INSYN2B: variants seen among roughly 807,000 people sequenced by gnomAD.
INSYN2B encodes inhibitory synaptic factor family member 2B.
In INSYN2B, 16 loss-of-function variants were observed where a neutral mutation model predicts 41.2. The observed-to-expected ratio is 0.39, with a 90% CI of 0.26 to 0.59. INSYN2B has a LOEUF of 0.59. Among genes scored for constraint, INSYN2B ranks in the 20% least tolerant of loss-of-function variants. INSYN2B has a pLI of 0.57. For synonymous variants in INSYN2B, 245 were observed against 244.4 expected (o/e 1.00, Z -0.02); for missense variants, 608 against 646.4 (o/e 0.94, Z 0.64).
Position 169,862,021 on chromosome 5 carries a change from G to A in INSYN2B, c.*2252C>T, listed in dbSNP as rs910281174. The stretch of plus-strand genomic sequence containing the variant: ...TTAATTCAGTTAAGGGTTCATGTGA[G>A]GGCCTCAACTGGAAACATATCTATG... On this transcript the variant is annotated 3_prime_UTR_variant, in exon 4 of 4. Coordinates refer to ENST00000377365, the MANE Select transcript of INSYN2B (RefSeq NM_001129891.3). 1.3e-5 allele frequency among the ~76,000 whole-genome samples: 2 copies of A among 151,532 alleles called. No homozygotes were observed. The highest frequency in any genetic ancestry group is 2.9e-5 in the Non-Finnish European group (2 of 67,968).
At chr5:169,866,102 G>A (rs1208103677) in intron 3 of INSYN2B, among the ~76,000 whole-genome samples, 1 of 148,282 alleles carries the variant, frequency 6.7e-6, no homozygotes, top group Admixed American at 6.7e-5. Flanking sequence ...GGGGCGAGGG[G>A]GCCTGTTTTA....
In INSYN2B at chr5:169,946,979, A is replaced by G. The variant is rs944011761; in HGVS notation, c.-919+33298T>C. Among the ~76,000 whole-genome samples, 4 of 152,118 alleles carry G rather than the reference A, an allele frequency of 2.6e-5. 1 individual carries two copies. The highest frequency in any genetic ancestry group is 2.6e-4 in the Admixed American group (4 of 15,286). ...TTGCCATATGGGAGGAATGGAATGA[A>G]GGCCAGGGGGTTTGGAGAGGAGCGC... On this transcript the variant is annotated intron_variant, in intron 1 of 3. Coordinates refer to ENST00000377365, the MANE Select transcript of INSYN2B (RefSeq NM_001129891.3).
intron 1 of INSYN2B, among the ~76,000 whole-genome samples, chr5:169,934,347 C>T (rs994066662): frequency 1.3e-5 from 2 of 152,136 alleles, no homozygotes; most frequent in Non-Finnish European, 2.9e-5. Flanking sequence ...TAGTTGTCCC[C>T]GGAGTGGATC....
chr5:169,957,709 C>T (rs1353518024), intron 1 of INSYN2B, among the ~76,000 whole-genome samples: 1 of 152,152 alleles, frequency 6.6e-6, no homozygotes, highest in Non-Finnish European at 1.5e-5. Context: ...CCCCAGAGTA[C>T]CCTGGCTTTG....
chr5:169,929,402 C>T (rs1040598846), intron 1 of INSYN2B, among the ~76,000 whole-genome samples: 1 of 152,102 alleles, frequency 6.6e-6, no homozygotes, highest in Non-Finnish European at 1.5e-5. Flanking sequence ...ATATACAGAA[C>T]TCCTAGCTTA....
intron 1 of INSYN2B, among the ~76,000 whole-genome samples, chr5:169,941,961 A>C (rs1776261739): frequency 6.6e-6 from 1 of 152,228 alleles, no homozygotes; most frequent in Non-Finnish European, 1.5e-5. Flanking sequence ...CACCATTCAG[A>C]AGTAAAACTG....
chr5:169,885,356 A>G (rs1772913190), intron 1 of INSYN2B, among the ~76,000 whole-genome samples: 1 of 152,194 alleles, frequency 6.6e-6, no homozygotes, highest in African/African-American at 2.4e-5. Flanking sequence ...GAATTTGTTG[A>G]AAAAGTGGAT....
intron 1 of INSYN2B, among the ~76,000 whole-genome samples, chr5:169,974,335 T>A (rs1777636142): frequency 6.6e-6 from 1 of 152,214 alleles, no homozygotes; most frequent in Admixed American, 6.5e-5. Flanking sequence ...TTTAACAGCG[T>A]CTAACACATA....
chr5:169,881,195 T>C (rs978690698), intron 3 of INSYN2B, among the ~76,000 whole-genome samples, 173 bp downstream of exon 3: 1 of 152,208 alleles, frequency 6.6e-6, no homozygotes, highest in East Asian at 1.9e-4. Flanking sequence ...GCTCATAGAC[T>C]TTGTTCTAAG....
chr5:169,963,754 C>T (rs1013639601), intron 1 of INSYN2B, among the ~76,000 whole-genome samples: 2 of 152,132 alleles, frequency 1.3e-5, no homozygotes, highest in African/African-American at 4.8e-5. Flanking sequence ...CTTCCTTCCC[C>T]CTAGCATCAT....
In INSYN2B at chr5:169,884,203, A is replaced by T; in HGVS notation, c.-305T>A. Reference sequence around the variant, plus strand: ...CATCTGATCTACCAAGAGAGCTGGTAGGCGGTTTATCAAGGGAGGCTGGCA... The same window carrying T: ...CATCTGATCTACCAAGAGAGCTGGTTGGCGGTTTATCAAGGGAGGCTGGCA... On this transcript the variant is annotated 5_prime_UTR_variant, in exon 2 of 4. Transcript: ENST00000377365. 4.4e-6 allele frequency: 1 copy of T among 227,208 alleles called. No homozygotes were observed. Among genetic ancestry groups the T allele is most frequent in the Non-Finnish European group, 8.5e-6 (1 of 117,834 alleles). The allele number at this position is 227,208 out of a possible 1,614,324, so 14.1% of individuals were successfully genotyped here.
chr5:169,917,782 C>G (rs1385749884), intron 1 of INSYN2B, among the ~76,000 whole-genome samples: 1 of 152,154 alleles, frequency 6.6e-6, no homozygotes, highest in South Asian at 2.1e-4. Context: ...CCCTACCACA[C>G]AGAAAATGAT....
chr5:169,882,542 A>AC lies in INSYN2B; in HGVS notation c.1346+10_1346+11insG, dbSNP rs1188772109. ...CCAGTCATTTTTAATATGAAAAAAA[A>AC]ATCTCCTTACCCTTCAGTGAGAGCT... On this transcript the variant is annotated intron_variant, in intron 2 of 3. Coordinates refer to ENST00000377365, the MANE Select transcript of INSYN2B (RefSeq NM_001129891.3). The AC allele has an allele frequency of 1.1e-5, 17 of 1,520,820 alleles. No homozygotes were observed. Among genetic ancestry groups the AC allele is most frequent in the Non-Finnish European group, 1.5e-5 (17 of 1,128,612 alleles). The allele number at this position is 1,520,820 out of a possible 1,614,324, so 94.2% of individuals were successfully genotyped here. A position where few individuals can be genotyped will look rare whatever the true frequency, so the allele number is the denominator to read the frequency against.
In INSYN2B at chr5:169,923,661, A is replaced by C. The variant is rs59845047; in HGVS notation, c.-918-38845T>G. On this transcript the variant is annotated intron_variant, in intron 1 of 3. Coordinates refer to ENST00000377365, the MANE Select transcript of INSYN2B (RefSeq NM_001129891.3). Reference sequence around the variant, plus strand: ...ATAAAAGAAGGATAATATTGCTTCAAAGAAGGTTAATAGGACTAAGTAAGG... The same window carrying C: ...ATAAAAGAAGGATAATATTGCTTCACAGAAGGTTAATAGGACTAAGTAAGG... Among the ~76,000 whole-genome samples the C allele has an allele frequency of 4.4e-3, 675 of 152,372 alleles. 5 individuals are homozygous for C. Among genetic ancestry groups the C allele is most frequent in the Middle Eastern group, 0.02 (6 of 294 alleles).
chr5:169,940,974 G>T (rs1776220324), intron 1 of INSYN2B, among the ~76,000 whole-genome samples: 1 of 152,200 alleles, frequency 6.6e-6, no homozygotes, highest in Non-Finnish European at 1.5e-5. Flanking sequence ...GAGAGACCCT[G>T]TTCCATACTA....
At chr5:169,894,006 T>C (rs1215825574) in intron 1 of INSYN2B, among the ~76,000 whole-genome samples, 1 of 152,240 alleles carries the variant, frequency 6.6e-6, no homozygotes. Context: ...AAGGGACCTA[T>C]GCTCCAGTAT....
At chr5:169,894,563 AGG>A (rs200147973) in intron 1 of INSYN2B, among the ~76,000 whole-genome samples, 1 of 152,180 alleles carries the variant, frequency 6.6e-6, no homozygotes. Context: ...GGGGAAGAGA[AGG>A]GGGGAAGTTT....
intron 2 of INSYN2B, 30 bp downstream of exon 2, chr5:169,882,523 A>G: frequency 6.6e-7 from 1 of 1,508,732 alleles, no homozygotes; most frequent in Non-Finnish European, 8.9e-7. Context: ...TCACCCAGTC[A>G]TTTTTAATAT....
rs188709427 is a variant in INSYN2B at position 169,879,803 on chromosome 5, C to T, written c.1421+1565G>A. Among the ~76,000 whole-genome samples the T allele has an allele frequency of 3.0e-3, 460 of 152,266 alleles. 5 individuals are homozygous for T. The highest frequency in any genetic ancestry group is 6.1e-3 in the Admixed American group (94 of 15,294). ...TTTTTCAGATGGGGAAAATGATTTG[C>T]CCAAGGCGAGGTCATGAAACTCATA... On this transcript the variant is annotated intron_variant, in intron 3 of 3. Coordinates refer to ENST00000377365, the MANE Select transcript of INSYN2B (RefSeq NM_001129891.3).
Sources: allele counts gnomAD v4.1 joint callset (sites outside exome capture counted in the v4.1 genomes callset), GRCh38; gene constraint gnomAD v4.1.1; transcripts MANE v1.5; gene names NCBI Gene and HGNC (gene_info 2026-07-23, HGNC 2026-07-21).